Variants in ERI2 observed in about 807,000 individuals in gnomAD.
ERI2 encodes ERI1 exoribonuclease 2.
In ERI2, 35 loss-of-function variants were observed where a neutral mutation model predicts 46.8. The ratio of observed to expected loss-of-function variants is 0.75; its 90% confidence interval spans 0.57 to 0.99. The LOEUF (loss-of-function observed/expected upper bound fraction) is 0.99. Ranked by LOEUF, ERI2 falls within the 50% of genes least tolerant of loss-of-function variation. The probability of loss-of-function intolerance (pLI) is 0.00; values close to 1 mark genes in which losing one functional copy is unlikely to be tolerated. For missense variants in ERI2, 695 were observed against 796.2 expected (o/e 0.87, Z 1.53); for synonymous variants, 224 against 271.0 (o/e 0.83, Z 1.70).
In ERI2 at chr16:20,797,415, A is replaced by T. The variant is rs1023643388; in HGVS notation, c.*309T>A. The T allele has an allele frequency of 9.9e-7, 1 of 1,007,914 alleles. No individual in the cohort carries two copies. 62.4% of individuals were successfully genotyped at this position (1,007,914 alleles called of 1,614,324 possible). ...TCAGTTAGAAGATTATGATAATCTC[A>T]AAGTACAAGAATCTACCTGAAAATA... On this transcript the variant is annotated 3_prime_UTR_variant, in exon 9 of 9. Transcript: ENST00000357967.
intron 1 of ERI2, chr16:20,806,090 T>C: frequency 7.9e-7 from 1 of 1,271,050 alleles, no homozygotes; most frequent in Non-Finnish European, 9.9e-7. Context: ...CTCCAACCAG[T>C]CTGCAGGGCA....
chr16:20,783,414 A>T (rs993528825), intron 10 of ERI2: 1 of 152,154 alleles, frequency 6.6e-6, no homozygotes. Flanking sequence ...TATTTGCATT[A>T]TACTGGTTGG....
At chr16:20,800,453 T>A in intron 5 of ERI2, 51 bp from the exon 6 acceptor site, 1 of 1,083,420 alleles carries the variant, frequency 9.2e-7, no homozygotes, top group Non-Finnish European at 1.4e-6. Context: ...CAGCATTTTT[T>A]ACTTATGCTG....
intron 7 of ERI2, chr16:20,799,596 G>A (rs1166631631): frequency 4.0e-6 from 2 of 497,178 alleles, no homozygotes; most frequent in Middle Eastern, 5.3e-4. Context: ...GTATTAGACA[G>A]TTCCCCAAAA....
At chr16:20,791,538 T>C (rs2080597067), downstream of ERI2, among the ~76,000 whole-genome samples, 1 of 152,256 alleles carries the variant, frequency 6.6e-6, no homozygotes, top group Admixed American at 6.5e-5. Flanking sequence ...GCTAGCTCCA[T>C]GCTGGAATTT....
At chr16:20,787,033 C>T (rs2080489143) in intron 10 of ERI2, among the ~76,000 whole-genome samples, 1 of 152,218 alleles carries the variant, frequency 6.6e-6, no homozygotes, top group Admixed American at 6.5e-5. Flanking sequence ...CCACTACTAC[C>T]ACCTGATGCC....
Position 20,799,350 on chromosome 16 carries a change from C to G in ERI2, c.645G>C (p.Gly215=). ...GIEFSGREHS[G]LDDSRNTALL... is the part of the protein sequence containing the mutation. ...GGGCAGTATTCCGAGAATCGTCCAA[C>G]CCTGAGGATACAGATATCAAACACT... The change falls in exon 8 of 9, where the codon GGG becomes GGC. Residue 215 remains glycine, a splice_region_variant and synonymous_variant. Transcript: ENST00000357967. The G allele has an allele frequency of 6.2e-7, 1 of 1,613,370 alleles. No homozygotes were observed. Among genetic ancestry groups the G allele is most frequent in the Non-Finnish European group, 8.5e-7 (1 of 1,179,518 alleles).
rs1411361307 is a variant in ERI2, at chr16:20,797,629, A to T, written c.*95T>A. Reference sequence around the variant, plus strand: ...AAGTATGGTAAATGCAGTAAACATTAATATATAAAATAAAAATAAAATAGT... The same window carrying T: ...AAGTATGGTAAATGCAGTAAACATTTATATATAAAATAAAAATAAAATAGT... On this transcript the variant is annotated 3_prime_UTR_variant, in exon 9 of 9. Transcript: ENST00000357967. The T allele has an allele frequency of 2.2e-6, 3 of 1,367,318 alleles. No homozygotes were observed. Among genetic ancestry groups the T allele is most frequent in the Non-Finnish European group, 2.8e-6 (3 of 1,059,368 alleles). 84.7% of individuals were successfully genotyped at this position (1,367,318 alleles called of 1,614,324 possible). A position where few individuals can be genotyped will look rare whatever the true frequency, so the allele number is the denominator to read the frequency against.
intron 10 of ERI2, chr16:20,786,316 G>A (rs989095819): frequency 7.4e-7 from 1 of 1,359,404 alleles, no homozygotes; most frequent in Non-Finnish European, 9.7e-7. Context: ...GATTAGAAAT[G>A]TTAGCTTCTT....
chr16:20,793,448 A>G (rs2080647907), downstream of ERI2, among the ~76,000 whole-genome samples: 1 of 152,162 alleles, frequency 6.6e-6, no homozygotes, highest in Non-Finnish European at 1.5e-5. Flanking sequence ...CAGCCTGGCT[A>G]ACAGAACAAG....
chr16:20,804,332 A>T (rs547685301), intron 1 of ERI2, among the ~76,000 whole-genome samples: 1 of 152,314 alleles, frequency 6.6e-6, no homozygotes, highest in African/African-American at 2.4e-5. Flanking sequence ...ACAATGTAGG[A>T]CATGGTTCAG....
intron 7 of ERI2, 115 bp downstream of exon 7, chr16:20,799,842 T>G: frequency 6.9e-6 from 2 of 288,614 alleles, no homozygotes; most frequent in South Asian, 5.6e-5. Flanking sequence ...AGATTAGGAG[T>G]TTTTTTTTTT....
intron 10 of ERI2, among the ~76,000 whole-genome samples, chr16:20,787,693 C>G (rs1434764599): frequency 6.6e-6 from 1 of 152,146 alleles, no homozygotes; most frequent in African/African-American, 2.4e-5. Flanking sequence ...TCACTTTAAC[C>G]TTGCTGTGGA....
intron 10 of ERI2, among the ~76,000 whole-genome samples, chr16:20,788,046 G>A (rs536494112): frequency 1.7e-4 from 26 of 152,158 alleles, no homozygotes; most frequent in African/African-American, 5.8e-4. Context: ...CATAATAAAG[G>A]TCCAAAAGAT....
rs2080749788 is a variant in ERI2 at position 20,797,885 on chromosome 16, AT to A, written c.1914del (p.Lys638AsnfsTer38). On this transcript the variant is annotated frameshift_variant, in exon 9 of 9. Coordinates refer to ENST00000357967, the MANE Select transcript of ERI2 (RefSeq NM_001142725.2). LOFTEE classifies it high-confidence loss of function. ...QENRKCCGYFKWEQTLQKERA... is the reference protein window; with the variant it reads ...QENRKCCGYFXWEQTLQKERA... ...CTTTCCTTTTGAAGTGTTTGTTCCC[AT>A]TTGAAATAACCACAACATTTTCTGT... is the stretch of plus-strand genomic sequence containing the variant. 6.4e-7 allele frequency: 1 copy of A among 1,551,508 alleles called. No individual in the cohort carries two copies. The highest frequency in any genetic ancestry group is 2.0e-5 in the Admixed American group (1 of 50,968).
rs745397760 is a variant in ERI2 at position 20,780,686 on chromosome 16, T to A, written c.943A>T (p.Met315Leu). ...ACAGTCTGTGATGCTGTGTTTAACA[T>A]GCAGTCATTGTAGTTTTTCCTTTGC... The change falls in exon 11 of 11, where the codon ATG becomes TTG. Residue 315 changes from methionine to leucine, a missense_variant. Met to Leu is a conservative substitution (Grantham distance 15). Transcript: ENST00000300005. 4.3e-6 allele frequency: 7 copies of A among 1,614,218 alleles called. No individual in the cohort carries two copies. In the Admixed American group the frequency reaches 1.0e-4, roughly 23 times the overall value.
At chr16:20,783,010 G>T (rs1331245782) in intron 10 of ERI2, among the ~76,000 whole-genome samples, 2 of 152,170 alleles carry the variant, frequency 1.3e-5, no homozygotes, top group Non-Finnish European at 2.9e-5. Context: ...ATGTAGGCAT[G>T]ATTGATTATT....
chr16:20,798,170 G>C lies in ERI2; in HGVS notation c.1630C>G (p.Pro544Ala). The change falls in exon 9 of 9, where the codon CCA (proline) becomes GCA (alanine). Residue 544 changes from proline (P) to alanine (A), a missense_variant. By Grantham distance (27) the Pro-to-Ala change is conservative (BLOSUM62 -1). Coordinates refer to ENST00000357967, the MANE Select transcript of ERI2 (RefSeq NM_001142725.2). ...ATAGTGAAGGGTTGTTTTTTTGCTG[G>C]TGGGAAAGCTTGGGGACTGCATGGA... is the stretch of plus-strand genomic sequence containing the variant. ...RNPCSPQAFP[P>A]AKKQPFTIHE... 6.4e-7 allele frequency: 1 copy of C among 1,551,548 alleles called. No individual in the cohort carries two copies.
At position 20,798,104 on chromosome 16, in the gene ERI2, T is replaced by G. The variant is rs2080754176; in HGVS notation, c.1696A>C (p.Arg566=). The G allele has an allele frequency of 8.4e-6, 13 of 1,551,438 alleles. No individual in the cohort carries two copies. Among genetic ancestry groups the G allele is most frequent in the Non-Finnish European group, 1.1e-5 (13 of 1,146,922 alleles). The change falls in exon 9 of 9, where the codon AGA becomes CGA. Residue 566 remains arginine (R), a synonymous_variant. Transcript: ENST00000357967. The stretch of plus-strand genomic sequence containing the variant: ...GGGAGACGCCTCCAGGAAGAACTTC[T>G]TACTGGGGAGCAATCAGATGATGTA... The part of the protein sequence containing the change: ...KPTSSDCSPV[R]SSSWRRLPSI...
Sources: gnomAD v4.1 joint callset for allele counts (sites outside exome capture counted in the v4.1 genomes callset) on GRCh38, gnomAD v4.1.1 for gene constraint, MANE v1.5 for transcripts, NCBI Gene and HGNC (gene_info 2026-07-23, HGNC 2026-07-21) for gene names.